GRIK4: variants seen among roughly 807,000 people sequenced by gnomAD.
GRIK4 encodes glutamate ionotropic receptor kainate type subunit 4, also known as glutamate receptor ionotropic, kainate 4.
Under a neutral mutation model 104.9 loss-of-function variants are expected in GRIK4, and 40 were observed. That is an observed-to-expected ratio of 0.38 (90% CI 0.30 to 0.50). The LOEUF is 0.50. GRIK4 is among the 20% of genes least tolerant of loss of function. The pLI, the probability that GRIK4 is intolerant of heterozygous loss-of-function variation, is 0.93. For missense variants in GRIK4, 1,047 were observed against 1,308.1 expected (o/e 0.80, Z 3.08); for synonymous variants, 485 against 524.9 (o/e 0.92, Z 1.04).
intron 8 of GRIK4, among the ~76,000 whole-genome samples, chr11:120,854,748 A>G (rs1429726806): frequency 6.6e-6 from 1 of 152,166 alleles, no homozygotes; most frequent in African/African-American, 2.4e-5. Flanking sequence ...TCTCCTATGT[A>G]TTATCTTTTT....
At chr11:120,833,820 G>T (rs1953499817) in intron 7 of GRIK4, among the ~76,000 whole-genome samples, 1 of 151,914 alleles carries the variant, frequency 6.6e-6, no homozygotes. Flanking sequence ...CCAAATTATT[G>T]TCATACTGCA....
intron 1 of GRIK4, among the ~76,000 whole-genome samples, chr11:120,629,427 A>T (rs1723638872): frequency 6.6e-6 from 1 of 152,164 alleles, no homozygotes; most frequent in African/African-American, 2.4e-5. Flanking sequence ...TTCAGAACAC[A>T]TTAGCTACTG....
chr11:120,790,470 C>T (rs567244900), intron 3 of GRIK4, among the ~76,000 whole-genome samples: 1 of 152,202 alleles, frequency 6.6e-6, no homozygotes, highest in Non-Finnish European at 1.5e-5. Flanking sequence ...AGGATTTGGA[C>T]ATGGGTTTTA....
At chr11:120,866,669 G>A (rs1010040097) in intron 9 of GRIK4, among the ~76,000 whole-genome samples, 3 of 152,108 alleles carry the variant, frequency 2.0e-5, no homozygotes, top group Non-Finnish European at 4.4e-5. Flanking sequence ...GAGCTGCACC[G>A]GCTCAAGGCT....
chr11:120,820,687 C>T (rs1185635550), intron 6 of GRIK4, among the ~76,000 whole-genome samples: 1 of 152,180 alleles, frequency 6.6e-6, no homozygotes, highest in African/African-American at 2.4e-5. Context: ...CTGTCCAGGG[C>T]TTACCTGGGG....
intron 5 of GRIK4, among the ~76,000 whole-genome samples, chr11:120,818,470 C>CT (rs1174587568): frequency 1.3e-5 from 2 of 152,240 alleles, no homozygotes; most frequent in Non-Finnish European, 2.9e-5. Flanking sequence ...TCACCAGACT[C>CT]TCCCCCATTC....
intron 3 of GRIK4, among the ~76,000 whole-genome samples, chr11:120,789,140 AC>A (rs1952346177): frequency 6.6e-6 from 1 of 151,778 alleles, no homozygotes; most frequent in Non-Finnish European, 1.5e-5. Flanking sequence ...TATCACCCTG[AC>A]CCTGGGGACT....
intron 8 of GRIK4, among the ~76,000 whole-genome samples, chr11:120,855,371 C>A (rs746103563): frequency 2.6e-5 from 4 of 152,218 alleles, no homozygotes; most frequent in Non-Finnish European, 5.9e-5. Context: ...TGAGGCAAAC[C>A]TCAGCTCTCT....
chr11:120,863,039 A>C (rs1448873325), intron 9 of GRIK4, among the ~76,000 whole-genome samples: 2 of 152,194 alleles, frequency 1.3e-5, no homozygotes, highest in Non-Finnish European at 2.9e-5. Flanking sequence ...GAGGACCAGG[A>C]TCAGAACCCA....
chr11:120,651,415 G>A (rs1949617059), intron 1 of GRIK4, among the ~76,000 whole-genome samples: 1 of 152,198 alleles, frequency 6.6e-6, no homozygotes, highest in African/African-American at 2.4e-5. Flanking sequence ...AGGGGCCATT[G>A]TTTAGAGGTG....
Position 120,902,861 on chromosome 11 carries a change from G to A in GRIK4, c.1273-2429G>A, listed in dbSNP as rs1304316698. On this transcript the variant is annotated intron_variant, in intron 12 of 20. Coordinates refer to ENST00000527524, the MANE Select transcript of GRIK4 (RefSeq NM_014619.5). This position sits in a 1 kb window ranked among gnomAD's most constrained non-coding sequence, Gnocchi z 4.5. ...GAGAAGCCCTTGTGCTGAGGACGGC[G>A]TGTGTGGAAGGCAGGCTGACCGTTC... Among the ~76,000 whole-genome samples the A allele has an allele frequency of 2.6e-5, 4 of 152,132 alleles. No homozygotes were observed. The highest frequency in any genetic ancestry group is 2.1e-4 in the South Asian group (1 of 4,828).
intron 1 of GRIK4, among the ~76,000 whole-genome samples, chr11:120,644,996 C>T (rs532601789): frequency 6.6e-6 from 1 of 152,224 alleles, no homozygotes; most frequent in African/African-American, 2.4e-5. Flanking sequence ...CCTGAGGATG[C>T]ATGTATGTAT....
chr11:120,905,441 T>A lies in GRIK4; in HGVS notation c.1424T>A (p.Val475Asp). ...IRLVGDGVYGVPEANGTWTGM... is the reference protein window; with the variant it reads ...IRLVGDGVYGDPEANGTWTGM... ...CTGGTTGGGGATGGCGTGTACGGCG[T>A]TCCCGAGGCCAACGGCACCTGGACG... Residue 475 changes from valine to aspartate, a missense_variant, in exon 13 of 21, where the codon GTT becomes GAT. Transcript: ENST00000527524. The surrounding 1 kb of genome is among the most constrained non-coding windows in gnomAD (Gnocchi z 5.1). 2 of 1,611,938 alleles carry A rather than the reference T, an allele frequency of 1.2e-6. No homozygotes were observed. Among genetic ancestry groups the A allele is most frequent in the Non-Finnish European group, 1.7e-6 (2 of 1,178,968 alleles).
At chr11:120,654,397 T>G (rs1012190544) in intron 2 of GRIK4, among the ~76,000 whole-genome samples, 1 of 152,182 alleles carries the variant, frequency 6.6e-6, no homozygotes, top group Non-Finnish European at 1.5e-5. Context: ...AGTATCTCGC[T>G]CTGTTGCCCA....
intron 1 of GRIK4, among the ~76,000 whole-genome samples, chr11:120,592,375 A>C (rs1484400884): frequency 6.6e-6 from 1 of 152,072 alleles, no homozygotes; most frequent in Admixed American, 6.5e-5. Flanking sequence ...ATGGCCTGGC[A>C]CCCCCTACGT....
Position 120,788,555 on chromosome 11 carries a change from C to T in GRIK4, c.83-14138C>T, listed in dbSNP as rs140371799. On this transcript the variant is annotated intron_variant, in intron 3 of 20. Transcript: ENST00000527524. ...TGCGTCTGTGTCAAACATAGGGTGT[C>T]ATATGAGTAAAAGGAAAAAAAGGAG... Among the ~76,000 whole-genome samples the T allele has an allele frequency of 8.4e-3, 1,273 of 152,152 alleles. 15 individuals carry two copies. The highest frequency in any genetic ancestry group is 0.029 in the African/African-American group (1,209 of 41,484).
In GRIK4 at chr11:120,625,181, G is replaced by A. The variant is rs572051824; in HGVS notation, c.-158-28504G>A. 4.1e-4 allele frequency among the ~76,000 whole-genome samples: 63 copies of A among 152,172 alleles called. 4 individuals are homozygous for A. In the South Asian group the frequency reaches 0.013, roughly 31 times the overall value. On this transcript the variant is annotated intron_variant, in intron 1 of 20. Coordinates refer to ENST00000527524, the MANE Select transcript of GRIK4 (RefSeq NM_014619.5). ...TCCCAGCTACTCGGGAGGCTGAGGC[G>A]GGAGAATTGCTTGAACCAGGAGGTG...
chr11:120,535,170 T>G (rs576136844), intron 1 of GRIK4, among the ~76,000 whole-genome samples: 15 of 152,240 alleles, frequency 9.9e-5, no homozygotes, highest in African/African-American at 3.6e-4. Context: ...CCCACTCTTG[T>G]GAGCCTGTCT....
chr11:120,605,648 T>C lies in GRIK4; in HGVS notation c.-158-48037T>C, dbSNP rs1420881164. Among the ~76,000 whole-genome samples the C allele has an allele frequency of 2.0e-5, 3 of 152,122 alleles. No individual in the cohort carries two copies. The East Asian group carries it at 5.8e-4, about 29-fold the overall frequency. ...GGGACATTCCAGGCCCTGGAGGATA[T>C]TGAAGTGAGGGAGGCCTTGTTTTCA... is the stretch of plus-strand genomic sequence containing the variant. On this transcript the variant is annotated intron_variant, in intron 1 of 20. Coordinates refer to ENST00000527524, the MANE Select transcript of GRIK4 (RefSeq NM_014619.5).
Sources: gnomAD v4.1 joint callset for allele counts (sites outside exome capture counted in the v4.1 genomes callset) on GRCh38, gnomAD v4.1.1 for gene constraint, Gnocchi (gnomAD v3.1) non-coding constraint, MANE v1.5 for transcripts, NCBI Gene and HGNC (gene_info 2026-07-23, HGNC 2026-07-21) for gene names.